Variants in CLXN observed in about 807,000 individuals in gnomAD.
CLXN encodes the protein EF-hand calcium binding domain 1.
the CLXN span, among the ~76,000 whole-genome samples, chr8:48,717,951 C>A: frequency 6.6e-6 from 1 of 151,982 alleles, no homozygotes; most frequent in Admixed American, 6.6e-5. Context: ...AAACAGAAAA[C>A]AATAAACAAA....
the CLXN span, among the ~76,000 whole-genome samples, chr8:48,717,245 G>A: frequency 2.0e-5 from 3 of 152,174 alleles, no homozygotes; most frequent in Admixed American, 6.5e-5. Flanking sequence ...TAATCAAATT[G>A]TCAGAAGTCA....
chr8:48,730,173 GAGTT>G, the CLXN span: 1 of 315,240 alleles, frequency 3.2e-6, no homozygotes, highest in South Asian at 9.4e-5. Context: ...AATTAATTGA[GAGTT>G]AATTAAGAAT....
the CLXN span, chr8:48,729,893 C>A: frequency 2.5e-6 from 4 of 1,594,346 alleles, no homozygotes; most frequent in Non-Finnish European, 3.4e-6. Flanking sequence ...AATAACAAAT[C>A]ATGAATTTGA....
the CLXN span, among the ~76,000 whole-genome samples, chr8:48,726,268 T>TATCC: frequency 1.2e-3 from 155 of 134,294 alleles, 1 homozygote; most frequent in African/African-American, 3.9e-3. Context: ...ATCATCTATC[T>TATCC]ATCCATCCAT....
the CLXN span, chr8:48,729,200 A>T: frequency 7.1e-7 from 1 of 1,409,760 alleles, no homozygotes; most frequent in Non-Finnish European, 9.9e-7. Flanking sequence ...CTGCAAATAC[A>T]TGCTCTTTTC....
the CLXN span, among the ~76,000 whole-genome samples, chr8:48,728,065 A>G: frequency 7.9e-5 from 12 of 152,166 alleles, no homozygotes; most frequent in African/African-American, 2.9e-4. Flanking sequence ...AGTAGGCGGC[A>G]GGAGACACAT....
the CLXN span, chr8:48,711,830 T>C: frequency 6.6e-6 from 1 of 152,222 alleles, no homozygotes; most frequent in South Asian, 2.1e-4. Context: ...ACATAGGACG[T>C]TCCTGATTTT....
chr8:48,733,711 A>T, the CLXN span, among the ~76,000 whole-genome samples: 2 of 152,172 alleles, frequency 1.3e-5, no homozygotes, highest in African/African-American at 4.8e-5. Context: ...TCAAGAGCAG[A>T]CTTTTTCCTG....
chr8:48,735,103 A>G, the CLXN span: 10 of 1,613,978 alleles, frequency 6.2e-6, no homozygotes, highest in Middle Eastern at 3.3e-4. Context: ...CAATGCTTGC[A>G]ATTTTTGGTT....
chr8:48,734,203 G>A, the CLXN span, among the ~76,000 whole-genome samples: 3 of 152,028 alleles, frequency 2.0e-5, no homozygotes, highest in Non-Finnish European at 4.4e-5. Flanking sequence ...TTTTTTGAGC[G>A]ACTCGGTTAT....
chr8:48,729,995 T>C, the CLXN span: 2 of 811,746 alleles, frequency 2.5e-6, no homozygotes, highest in Non-Finnish European at 3.7e-6. Flanking sequence ...GCAGCCTGAT[T>C]TGCATTGTAA....
the CLXN span, chr8:48,728,977 T>C: frequency 1.7e-6 from 2 of 1,203,340 alleles, no homozygotes; most frequent in African/African-American, 3.1e-5. Flanking sequence ...ACCCATTAAA[T>C]CAAGAAGTCC....
At chr8:48,730,405 G>C in the CLXN span, 2 of 522,426 alleles carry the variant, frequency 3.8e-6, no homozygotes, top group East Asian at 3.2e-5. Context: ...CCATAAAATA[G>C]GTTAGTGGGA....
At chr8:48,712,467 GAA>G in the CLXN span, 1 of 152,266 alleles carries the variant, frequency 6.6e-6, no homozygotes, top group Non-Finnish European at 1.5e-5. Context: ...GAGCAAAACA[GAA>G]AAGAGGGAAG....
the CLXN span, among the ~76,000 whole-genome samples, chr8:48,727,463 T>A: frequency 2.6e-5 from 4 of 152,076 alleles, no homozygotes; most frequent in African/African-American, 9.7e-5. Flanking sequence ...AAGACAGGGC[T>A]CTGTGAGGAA....
At chr8:48,721,342 T>C in the CLXN span, among the ~76,000 whole-genome samples, 1 of 151,968 alleles carries the variant, frequency 6.6e-6, no homozygotes, top group Non-Finnish European at 1.5e-5. Context: ...CTCATATTCA[T>C]GAATTGGAAG....
At chr8:48,734,943 C>A in the CLXN span, 1 of 860,622 alleles carries the variant, frequency 1.2e-6, no homozygotes, top group African/African-American at 1.7e-5. Flanking sequence ...CCCTCTCTGA[C>A]TTCTGCTTAA....
chr8:48,728,674 G>A, the CLXN span, among the ~76,000 whole-genome samples: 1 of 152,158 alleles, frequency 6.6e-6, no homozygotes, highest in South Asian at 2.1e-4. Flanking sequence ...ACGTTGCCTG[G>A]CATTGATGAA....
At chr8:48,728,708 A>G in the CLXN span, among the ~76,000 whole-genome samples, 3 of 152,238 alleles carry the variant, frequency 2.0e-5, no homozygotes, top group Non-Finnish European at 4.4e-5. Context: ...ATTAAGTATC[A>G]TTATAATAAT....
Sources: allele counts gnomAD v4.1 joint callset (sites outside exome capture counted in the v4.1 genomes callset), GRCh38; gene constraint gnomAD v4.1.1; transcripts MANE v1.5; gene names NCBI Gene and HGNC (gene_info 2026-07-23, HGNC 2026-07-21).